GPM6A: variants seen among roughly 807,000 people sequenced by gnomAD.
GPM6A encodes glycoprotein M6A.
A neutral mutation model predicts 32.1 loss-of-function variants in GPM6A; 7 were observed. The observed-to-expected ratio is 0.22, with a 90% CI of 0.12 to 0.41. GPM6A has a LOEUF of 0.41. Among genes scored for constraint, GPM6A ranks in the 10% least tolerant of loss-of-function variants. The probability of loss-of-function intolerance (pLI) is 1.00; values close to 1 mark genes in which losing one functional copy is unlikely to be tolerated. For missense variants in GPM6A, 235 were observed against 347.2 expected, an observed-to-expected ratio of 0.68 and a Z score of 2.57; for synonymous variants, 130 against 123.4, an observed-to-expected ratio of 1.05 and a Z score of -0.35.
intron 1 of GPM6A, among the ~76,000 whole-genome samples, chr4:175,709,803 T>C (rs1200777873): frequency 6.6e-6 from 1 of 152,086 alleles, no homozygotes; most frequent in Non-Finnish European, 1.5e-5. Context: ...AATATTTCCT[T>C]CCCAGCTTCA....
chr4:175,948,956 TAA>T (rs1174388292), intron 1 of GPM6A, among the ~76,000 whole-genome samples: 2 of 98,140 alleles, frequency 2.0e-5, no homozygotes, highest in South Asian at 3.5e-4. Flanking sequence ...CATTTGGTGG[TAA>T]GTGTGTGTGT....
chr4:175,942,516 T>C (rs551068003), intron 1 of GPM6A, among the ~76,000 whole-genome samples: 33 of 152,256 alleles, frequency 2.2e-4, no homozygotes, highest in Non-Finnish European at 4.4e-4. Flanking sequence ...TTAGGTCTTA[T>C]GTTTAAGTCT....
intron 1 of GPM6A, among the ~76,000 whole-genome samples, chr4:175,882,455 CTT>C (rs1737310265): frequency 6.6e-6 from 1 of 151,846 alleles, no homozygotes. Flanking sequence ...TGGAAATCAT[CTT>C]TTTTGTACTA....
chr4:175,772,262 A>G (rs1733221307), intron 1 of GPM6A, among the ~76,000 whole-genome samples: 1 of 152,206 alleles, frequency 6.6e-6, no homozygotes, highest in Admixed American at 6.5e-5. Context: ...TCCAGTAAAT[A>G]GCATTTTGAA....
chr4:175,920,535 ATACTT>A (rs1738631626), intron 1 of GPM6A, among the ~76,000 whole-genome samples: 3 of 152,194 alleles, frequency 2.0e-5, no homozygotes, highest in African/African-American at 4.8e-5. Flanking sequence ...CACAGAAACA[ATACTT>A]AAACTACTGT....
intron 2 of GPM6A, among the ~76,000 whole-genome samples, chr4:175,690,279 T>C (rs1560877109): frequency 1.3e-5 from 2 of 152,370 alleles, no homozygotes; most frequent in African/African-American, 2.4e-5. Context: ...GTGGCAATTA[T>C]AGCAAATATA....
intron 1 of GPM6A, among the ~76,000 whole-genome samples, chr4:175,900,584 C>G (rs1284820772): frequency 6.6e-6 from 1 of 151,900 alleles, no homozygotes; most frequent in African/African-American, 2.4e-5. Context: ...TCATCTCACC[C>G]CAGTTAAAAT....
chr4:175,833,651 T>C (rs993057863), intron 1 of GPM6A, among the ~76,000 whole-genome samples: 4 of 152,076 alleles, frequency 2.6e-5, no homozygotes, highest in Non-Finnish European at 5.9e-5. Context: ...AATATGGAAA[T>C]TAAAGGACAA....
At chr4:175,792,093 T>C (rs1487657377) in intron 1 of GPM6A, among the ~76,000 whole-genome samples, 2 of 152,208 alleles carry the variant, frequency 1.3e-5, no homozygotes, top group African/African-American at 2.4e-5. Flanking sequence ...ATAACAGTTA[T>C]TGACTCTGGT....
At chr4:175,711,416 A>ATATATATATATG (rs1745524163) in intron 1 of GPM6A, among the ~76,000 whole-genome samples, 1 of 23,316 alleles carries the variant, frequency 4.3e-5, no homozygotes, top group African/African-American at 1.1e-4. Flanking sequence ...CCAAATATAT[A>ATATATATATATG]TATATATATA....
chr4:175,796,411 AT>A (rs1273923627), intron 1 of GPM6A, among the ~76,000 whole-genome samples: 1 of 152,226 alleles, frequency 6.6e-6, no homozygotes, highest in Non-Finnish European at 1.5e-5. Context: ...ATTTCTAAAT[AT>A]CTCAACAATT....
intron 2 of GPM6A, among the ~76,000 whole-genome samples, chr4:175,675,592 ATT>A (rs1231839417): frequency 6.6e-6 from 1 of 151,680 alleles, no homozygotes; most frequent in Admixed American, 6.6e-5. Context: ...TGAACTTCTA[ATT>A]TCCTTCATAA....
intron 1 of GPM6A, chr4:175,805,994 A>G (rs1404826161): frequency 1.3e-5 from 2 of 152,254 alleles, no homozygotes; most frequent in Non-Finnish European, 2.9e-5. Flanking sequence ...AAGCACATGG[A>G]AAAACATGAA....
chr4:175,727,938 G>A (rs2581742), intron 1 of GPM6A, among the ~76,000 whole-genome samples: 122,857 of 150,260 alleles, frequency 0.82, 50,574 homozygotes, highest in Non-Finnish European at 0.88. Context: ...TGGGAGACCA[G>A]TGTTACCGTG....
At chr4:175,974,889 G>T (rs898351357) in intron 1 of GPM6A, among the ~76,000 whole-genome samples, 7 of 152,080 alleles carry the variant, frequency 4.6e-5, no homozygotes, top group African/African-American at 1.7e-4. Context: ...TCCCTATATT[G>T]CCCAGGCTGG....
At chr4:175,985,808 T>C (rs1740955909) in intron 1 of GPM6A, among the ~76,000 whole-genome samples, 1 of 152,164 alleles carries the variant, frequency 6.6e-6, no homozygotes, top group South Asian at 2.1e-4. Flanking sequence ...TTCATTTATT[T>C]ATAATTTTTT....
intron 1 of GPM6A, among the ~76,000 whole-genome samples, chr4:175,954,806 G>C (rs1025371883): frequency 6.6e-6 from 1 of 152,204 alleles, no homozygotes. Context: ...TCTAGGGCAA[G>C]AGTAGAACTT....
At chr4:175,658,975 A>G (rs10520299) in intron 3 of GPM6A, among the ~76,000 whole-genome samples, 11,420 of 151,608 alleles carry the variant, frequency 0.075, 874 homozygotes, top group East Asian at 0.33. Flanking sequence ...ATAAAGCTAC[A>G]GAGAATCTTC....
chr4:175,813,188 G>A, upstream of GPM6A: 3 of 530,298 alleles, frequency 5.7e-6, no homozygotes, highest in Non-Finnish European at 7.2e-6. Context: ...CTCTTGAAAG[G>A]GAATTTCTTT....
Sources: gnomAD v4.1 joint callset for allele counts (sites outside exome capture counted in the v4.1 genomes callset) on GRCh38, gnomAD v4.1.1 for gene constraint, MANE v1.5 for transcripts, NCBI Gene and HGNC (gene_info 2026-07-23, HGNC 2026-07-21) for gene names.